The following GMDS variants were observed in gnomAD, a reference collection of about 807,000 sequenced individuals.
The protein encoded by GMDS is GDP-mannose 4,6 dehydratase.
GMDS carries 20 observed loss-of-function variants against 49.9 expected under a neutral mutation model. The observed-to-expected ratio is 0.40, with a 90% CI of 0.28 to 0.58. The LOEUF (loss-of-function observed/expected upper bound fraction) is 0.58, where lower values mean the gene tolerates loss of function less well. Ranked by LOEUF, GMDS falls within the 20% of genes least tolerant of loss-of-function variation. The pLI, the probability that GMDS is intolerant of heterozygous loss-of-function variation, is 0.42. For missense variants in GMDS, 362 were observed against 481.4 expected (o/e 0.75, Z 2.32); for synonymous variants, 177 against 178.6 (o/e 0.99, Z 0.07).
At chr6:1,765,199 G>T (rs1413389797) in intron 7 of GMDS, among the ~76,000 whole-genome samples, 1 of 152,106 alleles carries the variant, frequency 6.6e-6, no homozygotes, top group Non-Finnish European at 1.5e-5. Flanking sequence ...TTTGGAACCG[G>T]ATTCTAACTT....
At chr6:1,800,732 G>A (rs150852354) in intron 7 of GMDS, among the ~76,000 whole-genome samples, 103 of 151,988 alleles carry the variant, frequency 6.8e-4, no homozygotes, top group Middle Eastern at 3.4e-3. Flanking sequence ...CAAAGTGCTG[G>A]GATTAGACAT....
chr6:2,135,136 G>C (rs868626595), intron 1 of GMDS, among the ~76,000 whole-genome samples: 2 of 152,126 alleles, frequency 1.3e-5, no homozygotes, highest in South Asian at 2.1e-4. Context: ...AAATAAAAAC[G>C]TTTCAACCAA....
At chr6:2,135,440 A>C (rs1775944917) in intron 1 of GMDS, among the ~76,000 whole-genome samples, 1 of 152,236 alleles carries the variant, frequency 6.6e-6, no homozygotes, top group Non-Finnish European at 1.5e-5. Flanking sequence ...CATTGTTAAA[A>C]GCAGATCATG....
chr6:1,727,104 A>G (rs1234716483), intron 8 of GMDS, among the ~76,000 whole-genome samples: 1 of 152,190 alleles, frequency 6.6e-6, no homozygotes, highest in Admixed American at 6.5e-5. Flanking sequence ...CAAAAAGTAC[A>G]GAACTAATTG....
chr6:2,240,919 G>A (rs1223405937), intron 1 of GMDS, among the ~76,000 whole-genome samples: 2 of 152,232 alleles, frequency 1.3e-5, no homozygotes, highest in African/African-American at 4.8e-5. Flanking sequence ...ACCTGGTCAT[G>A]TGATAGTGAA....
chr6:1,904,654 G>A (rs936235864), intron 7 of GMDS, among the ~76,000 whole-genome samples: 17 of 152,284 alleles, frequency 1.1e-4, no homozygotes, highest in Admixed American at 5.9e-4. Flanking sequence ...GTGACTCGCC[G>A]GCTCCCACAC....
intron 8 of GMDS, among the ~76,000 whole-genome samples, chr6:1,738,658 T>C (rs778088484): frequency 6.6e-6 from 1 of 151,520 alleles, no homozygotes; most frequent in African/African-American, 2.4e-5. Context: ...GCACAACAAG[T>C]AGAACTCTGA....
chr6:1,649,273 G>A (rs1763580569), intron 9 of GMDS, among the ~76,000 whole-genome samples: 1 of 152,144 alleles, frequency 6.6e-6, no homozygotes, highest in South Asian at 2.1e-4. Flanking sequence ...ATACAGTCTT[G>A]CTGTGATTCA....
intron 7 of GMDS, among the ~76,000 whole-genome samples, chr6:1,806,120 G>A (rs1266247455): frequency 6.6e-6 from 1 of 151,814 alleles, no homozygotes; most frequent in Non-Finnish European, 1.5e-5. Flanking sequence ...CTCTAAAAAA[G>A]GAAACAAAGG....
intron 4 of GMDS, among the ~76,000 whole-genome samples, chr6:2,086,291 TC>T (rs1250167522): frequency 7.2e-5 from 11 of 152,220 alleles, no homozygotes; most frequent in Non-Finnish European, 1.3e-4. Flanking sequence ...AAACCCTGCC[TC>T]CCCTTTCTTC....
chr6:1,696,719 G>T (rs1406686804), intron 9 of GMDS, among the ~76,000 whole-genome samples: 3 of 152,228 alleles, frequency 2.0e-5, no homozygotes, highest in African/African-American at 4.8e-5. Flanking sequence ...GTATCTGGAA[G>T]AAGCAGGAGC....
chr6:1,894,881 G>A (rs75394894), intron 7 of GMDS, among the ~76,000 whole-genome samples: 1 of 152,090 alleles, frequency 6.6e-6, no homozygotes, highest in Non-Finnish European at 1.5e-5. Flanking sequence ...TTGAGGTACG[G>A]GATTTTACTT....
At chr6:1,960,417 TA>T (rs140236874) in intron 5 of GMDS, among the ~76,000 whole-genome samples, 1 of 149,702 alleles carries the variant, frequency 6.7e-6, no homozygotes, top group Non-Finnish European at 1.5e-5. Flanking sequence ...TCATGGAAAA[TA>T]AAAAAAAACA....
chr6:1,738,062 TACAC>T (rs1767107661), intron 8 of GMDS, among the ~76,000 whole-genome samples: 1 of 111,818 alleles, frequency 8.9e-6, no homozygotes, highest in Non-Finnish European at 1.8e-5. Context: ...ACCACACACA[TACAC>T]ACATACCACA....
At chr6:1,768,301 A>C (rs999832620) in intron 7 of GMDS, among the ~76,000 whole-genome samples, 1 of 152,260 alleles carries the variant, frequency 6.6e-6, no homozygotes, top group Non-Finnish European at 1.5e-5. Flanking sequence ...TACATTGTAA[A>C]TATTTAGAAC....
At chr6:2,218,193 G>A (rs1053988889) in intron 1 of GMDS, among the ~76,000 whole-genome samples, 9 of 152,074 alleles carry the variant, frequency 5.9e-5, no homozygotes, top group Non-Finnish European at 1.3e-4. Context: ...GAGTTGGAGC[G>A]AACACCTCAG....
chr6:1,792,595 A>G (rs1769587612), intron 7 of GMDS, among the ~76,000 whole-genome samples: 1 of 152,314 alleles, frequency 6.6e-6, no homozygotes, highest in East Asian at 1.9e-4. Context: ...GTTTTGGTAG[A>G]GTATATCTAC....
At chr6:2,088,069 G>C (rs1244856339) in intron 4 of GMDS, among the ~76,000 whole-genome samples, 2 of 151,616 alleles carry the variant, frequency 1.3e-5, no homozygotes, top group African/African-American at 4.9e-5. Flanking sequence ...GTGGAGGAAA[G>C]AAAGGTGGCT....
At chr6:2,165,146 C>T (rs1451462721) in intron 1 of GMDS, among the ~76,000 whole-genome samples, 5 of 152,138 alleles carry the variant, frequency 3.3e-5, no homozygotes, top group African/African-American at 1.2e-4. Context: ...GAAAACCCAT[C>T]CTGGAAACTC....
Sources: allele counts gnomAD v4.1 joint callset (sites outside exome capture counted in the v4.1 genomes callset), GRCh38; gene constraint gnomAD v4.1.1; transcripts MANE v1.5; gene names NCBI Gene and HGNC (gene_info 2026-07-23, HGNC 2026-07-21).